The following ARMC8 variants were observed in gnomAD, a reference collection of about 807,000 sequenced individuals.
ARMC8 encodes the protein armadillo repeat-containing protein 8.
ARMC8 carries 20 observed loss-of-function variants against 99.3 expected under a neutral mutation model. The observed-to-expected ratio is 0.20, with a 90% confidence interval of 0.14 to 0.29. ARMC8 has a LOEUF of 0.29. Among genes scored for constraint, ARMC8 ranks in the 10% least tolerant of loss-of-function variants. The probability of loss-of-function intolerance (pLI) is 1.00; values close to 1 mark genes in which losing one functional copy is unlikely to be tolerated. For missense variants in ARMC8, 569 were observed against 809.5 expected (o/e 0.70, Z 3.60); for synonymous variants, 263 against 278.3 (o/e 0.95, Z 0.55).
chr3:138,189,607 G>A (rs376355713), intron 1 of ARMC8, among the ~76,000 whole-genome samples: 6 of 152,160 alleles, frequency 3.9e-5, no homozygotes, highest in African/African-American at 1.2e-4. Flanking sequence ...TCAGAAATGC[G>A]TTTCAGGAGC....
intron 14 of ARMC8, 118 bp downstream of exon 14, chr3:138,264,330 A>G: frequency 1.5e-6 from 1 of 683,270 alleles, no homozygotes; most frequent in Non-Finnish European, 2.5e-6. Flanking sequence ...AGCATTTTGA[A>G]CGTTTATCTC....
At chr3:138,189,593 G>A (rs988873813) in intron 1 of ARMC8, among the ~76,000 whole-genome samples, 1 of 152,222 alleles carries the variant, frequency 6.6e-6, no homozygotes, top group Non-Finnish European at 1.5e-5. Flanking sequence ...ATGCAAGGAT[G>A]AGATCAGAAA....
At chr3:138,238,658 A>G (rs532521907) in intron 9 of ARMC8, 17 of 152,314 alleles carry the variant, frequency 1.1e-4, no homozygotes, top group African/African-American at 3.8e-4. Context: ...AAATGGTTTC[A>G]GAAAAACAAT....
At chr3:138,269,139 T>A (rs2048550015) in intron 15 of ARMC8, among the ~76,000 whole-genome samples, 1 of 152,212 alleles carries the variant, frequency 6.6e-6, no homozygotes. Context: ...GAAAAGAATA[T>A]CTGAGCGTTC....
At position 138,223,634 on chromosome 3, in the gene ARMC8, A is replaced by G. The variant is rs1402449624; in HGVS notation, c.338-2A>G. 1 of 1,614,156 alleles carries G rather than the reference A, an allele frequency of 6.2e-7. No individual in the cohort carries two copies. Among genetic ancestry groups the G allele is most frequent in the Non-Finnish European group, 8.5e-7 (1 of 1,179,950 alleles). ...AGTCCTAAATCTCATTTCTGTTAAT[A>G]GGACTACTGTCCCCAGACCTGAAGT... On this transcript the variant is annotated splice_acceptor_variant, in intron 4 of 21. Transcript: ENST00000469044. LOFTEE classifies it high-confidence loss of function.
At chr3:138,229,186 A>ATATATG (rs2045901921) in intron 6 of ARMC8, 176 bp downstream of exon 6, 1 of 107,866 alleles carries the variant, frequency 9.3e-6, no homozygotes, top group South Asian at 3.1e-4. Flanking sequence ...ATATATATGT[A>ATATATG]TATGTATATG....
intron 1 of ARMC8, among the ~76,000 whole-genome samples, chr3:138,206,747 A>G (rs1488748110): frequency 6.6e-6 from 1 of 152,248 alleles, no homozygotes; most frequent in Non-Finnish European, 1.5e-5. Context: ...GCAGTGAAAT[A>G]TCAGAATTGT....
chr3:138,199,189 G>A (rs1029500578), intron 1 of ARMC8, among the ~76,000 whole-genome samples: 3 of 152,118 alleles, frequency 2.0e-5, no homozygotes, highest in African/African-American at 4.8e-5. Context: ...AAGTGAATAA[G>A]GATAAAATTG....
At chr3:138,264,352 T>C (rs1172653568) in intron 14 of ARMC8, 140 bp downstream of exon 14, 3 of 584,568 alleles carry the variant, frequency 5.1e-6, no homozygotes, top group Non-Finnish European at 9.0e-6. Context: ...TCAAATCTGA[T>C]ATTCTAAGCA....
In ARMC8 at chr3:138,256,086, C is replaced by T. The variant is rs1412420231; in HGVS notation, c.1135-7653C>T. On this transcript the variant is annotated intron_variant, in intron 12 of 21. Coordinates refer to ENST00000469044, the MANE Select transcript of ARMC8 (RefSeq NM_001363941.2). Reference sequence around the variant, plus strand: ...CATTGGAGCAGTGGCACAGGTATTACATAACAGGGTATGGATGGGAAACCC... The same window carrying T: ...CATTGGAGCAGTGGCACAGGTATTATATAACAGGGTATGGATGGGAAACCC... Among the ~76,000 whole-genome samples the T allele has an allele frequency of 2.0e-5, 3 of 152,212 alleles. No individual in the cohort carries two copies. The East Asian group carries it at 5.8e-4, about 29-fold the overall frequency.
chr3:138,263,952 A>G, intron 13 of ARMC8, 131 bp downstream of exon 13: 2 of 1,014,578 alleles, frequency 2.0e-6, no homozygotes, highest in African/African-American at 1.6e-5. Context: ...TTCATAGAGT[A>G]TATAACATTG....
At chr3:138,256,506 GT>G (rs891093154) in intron 12 of ARMC8, among the ~76,000 whole-genome samples, 41 of 149,818 alleles carry the variant, frequency 2.7e-4, no homozygotes, top group Middle Eastern at 3.4e-3. Flanking sequence ...CGCCTCCTGG[GT>G]TCACGCCATT....
At chr3:138,196,662 A>T (rs2043752900) in intron 1 of ARMC8, among the ~76,000 whole-genome samples, 1 of 152,070 alleles carries the variant, frequency 6.6e-6, no homozygotes, top group Non-Finnish European at 1.5e-5. Flanking sequence ...TGAGGTCAGG[A>T]GTCTGAGACC....
At chr3:138,249,130 A>G (rs2047012267) in intron 12 of ARMC8, among the ~76,000 whole-genome samples, 1 of 152,176 alleles carries the variant, frequency 6.6e-6, no homozygotes, top group African/African-American at 2.4e-5. Context: ...TGAAAAAATG[A>G]ACACACAGAC....
chr3:138,251,019 C>G (rs1037563549), intron 12 of ARMC8, among the ~76,000 whole-genome samples: 2 of 152,032 alleles, frequency 1.3e-5, no homozygotes, highest in Non-Finnish European at 2.9e-5. Flanking sequence ...GGCCCGGTGG[C>G]ATGCACCTGT....
At chr3:138,266,702 A>G (rs1300513562) in intron 14 of ARMC8, among the ~76,000 whole-genome samples, 2 of 152,156 alleles carry the variant, frequency 1.3e-5, no homozygotes, top group East Asian at 1.9e-4. Flanking sequence ...TGTCCTGCCT[A>G]TGCAGTAGTA....
Position 138,290,540 on chromosome 3 carries a change from G to A in ARMC8, c.1895-6G>A, listed in dbSNP as rs372533220. On this transcript the variant is annotated splice_polypyrimidine_tract_variant and splice_region_variant and intron_variant, in intron 20 of 21. Transcript: ENST00000469044. ...TGTTCCCAGTAACCTGGCTTTAATCGTTTAGGTTCACAAGAACGCCAGGAT... is the reference window on the plus strand; with the variant it reads ...TGTTCCCAGTAACCTGGCTTTAATCATTTAGGTTCACAAGAACGCCAGGAT... 17 of 1,593,260 alleles carry A rather than the reference G, an allele frequency of 1.1e-5. No individual in the cohort carries two copies. Among genetic ancestry groups the A allele is most frequent in the East Asian group, 2.3e-5 (1 of 44,366 alleles).
intron 1 of ARMC8, among the ~76,000 whole-genome samples, chr3:138,208,088 G>GTT (rs34408382): frequency 0.025 from 3,673 of 146,370 alleles, 61 homozygotes; most frequent in Non-Finnish European, 0.032. Context: ...CGGCATCTCT[G>GTT]TTTTTTTTTT....
intron 11 of ARMC8, among the ~76,000 whole-genome samples, chr3:138,244,087 G>A (rs1449762846): frequency 6.6e-6 from 1 of 152,062 alleles, no homozygotes; most frequent in East Asian, 1.9e-4. Flanking sequence ...TTGATAATTA[G>A]TTATGCATGT....
Sources: gnomAD v4.1 joint callset for allele counts (sites outside exome capture counted in the v4.1 genomes callset) on GRCh38, gnomAD v4.1.1 for gene constraint, MANE v1.5 for transcripts, NCBI Gene and HGNC (gene_info 2026-07-23, HGNC 2026-07-21) for gene names.